The following TNIP3 variants were observed in gnomAD, a reference collection of about 807,000 sequenced individuals.
TNIP3 encodes TNFAIP3 interacting protein 3.
In TNIP3, 34 loss-of-function variants were observed where a neutral mutation model predicts 54.1. That is an observed-to-expected ratio of 0.63 (90% CI 0.48 to 0.84). The LOEUF is 0.84. Among genes scored for constraint, TNIP3 ranks in the 40% least tolerant of loss-of-function variants. TNIP3 has a pLI of 0.00. For missense variants in TNIP3, 366 were observed against 387.6 expected (o/e 0.94, Z 0.47); for synonymous variants, 134 against 136.8 (o/e 0.98, Z 0.14).
intron 2 of TNIP3, among the ~76,000 whole-genome samples, chr4:121,201,312 T>TGGTC (rs1326236659): frequency 6.6e-6 from 1 of 152,198 alleles, no homozygotes; most frequent in African/African-American, 2.4e-5. Flanking sequence ...AGATGGCGTG[T>TGGTC]GGTCAATGGC....
chr4:121,209,379 G>A (rs1168140745), intron 2 of TNIP3, among the ~76,000 whole-genome samples: 1 of 152,212 alleles, frequency 6.6e-6, no homozygotes, highest in East Asian at 1.9e-4. Flanking sequence ...AGTGTGGGCA[G>A]TCTTGTGGGA....
chr4:121,224,250 C>G (rs1255163869), intron 1 of TNIP3, among the ~76,000 whole-genome samples: 1 of 152,002 alleles, frequency 6.6e-6, no homozygotes, highest in Non-Finnish European at 1.5e-5. Flanking sequence ...GTAATCCCAA[C>G]TACTTGGGAG....
Position 121,222,222 on chromosome 4 carries a change from A to G in TNIP3, c.3+5163T>C, listed in dbSNP as rs116668162. ...CCCTGCGAAGAGGACCTAGTTTTCC[A>G]TAGAATGTTCCTTCATTCTGCAGAA... is the stretch of plus-strand genomic sequence containing the variant. On this transcript the variant is annotated intron_variant, in intron 1 of 12. Coordinates refer to the TNIP3 transcript ENST00000509841. Among the ~76,000 whole-genome samples, 1,194 of 152,356 alleles carry G rather than the reference A, an allele frequency of 7.8e-3. 15 individuals carry two copies. Among genetic ancestry groups the G allele is most frequent in the African/African-American group, 0.028 (1,153 of 41,588 alleles).
Position 121,132,641 on chromosome 4 carries a change from A to C in TNIP3, c.968T>G (p.Val323Gly), listed in dbSNP as rs762534280. 2.5e-6 allele frequency: 4 copies of C among 1,613,034 alleles called. No individual in the cohort carries two copies. In the East Asian group the frequency reaches 8.9e-5, roughly 36 times the overall value. The change falls in exon 11 of 11, where the codon GTC (valine) becomes GGC (glycine). Residue 323 changes from valine to glycine, a missense_variant. By Grantham distance (109) the Val-to-Gly change is moderately radical. Coordinates refer to ENST00000057513, the MANE Select transcript of TNIP3 (RefSeq NM_024873.6). ...TGTTAGTGTGTACTTCTACGGATGG[A>C]CTTTCTTTACTGAGGATAAACCTAT... The part of the protein sequence containing the change: ...KANGLSSVKK[V>G]HP
intron 2 of TNIP3, among the ~76,000 whole-genome samples, chr4:121,210,277 C>A (rs1726410215): frequency 1.3e-5 from 2 of 152,054 alleles, no homozygotes; most frequent in East Asian, 3.9e-4. Context: ...AAAATAAGTC[C>A]TTGTTTTCTG....
At chr4:121,154,358 C>T (rs1486361841) in intron 5 of TNIP3, 193 bp downstream of exon 5, 1 of 621,376 alleles carries the variant, frequency 1.6e-6, no homozygotes, top group Non-Finnish European at 2.7e-6. Flanking sequence ...GACAAAAATT[C>T]TCTAAAGCCT....
chr4:121,154,462 T>G (rs1729955164), intron 5 of TNIP3, 89 bp downstream of exon 5: 1 of 1,528,528 alleles, frequency 6.5e-7, no homozygotes, highest in Admixed American at 1.8e-5. Flanking sequence ...GGACCCACAC[T>G]GCAGCCTAGA....
chr4:121,137,288 A>T (rs556354303), intron 10 of TNIP3, among the ~76,000 whole-genome samples: 1 of 152,216 alleles, frequency 6.6e-6, no homozygotes, highest in Non-Finnish European at 1.5e-5. Context: ...TTATTATACC[A>T]TAATAGATTT....
At chr4:121,133,690 A>G (rs1728613691) in intron 10 of TNIP3, among the ~76,000 whole-genome samples, 1 of 152,220 alleles carries the variant, frequency 6.6e-6, no homozygotes, top group Non-Finnish European at 1.5e-5. Context: ...TGGAAATCTG[A>G]ACAAAAACAA....
intron 5 of TNIP3, among the ~76,000 whole-genome samples, chr4:121,153,765 T>G (rs80201454): frequency 0.029 from 4,382 of 152,150 alleles, 90 homozygotes; most frequent in Admixed American, 0.038. Context: ...AAATACAGGG[T>G]TTGAGCACCT....
upstream of TNIP3, among the ~76,000 whole-genome samples, chr4:121,217,758 A>G (rs990398758): frequency 6.6e-6 from 1 of 152,218 alleles, no homozygotes; most frequent in African/African-American, 2.4e-5. Flanking sequence ...TAAATATTTA[A>G]CTAATAAAGA....
rs568466610 is a variant in TNIP3 at position 121,136,148 on chromosome 4, A to G, written c.946+2476T>C. Reference sequence around the variant, plus strand: ...CCATGCACAGGTTAGTTCATAACATATTTATTACACACTTAATCTTACATA... The same window carrying G: ...CCATGCACAGGTTAGTTCATAACATGTTTATTACACACTTAATCTTACATA... On this transcript the variant is annotated intron_variant, in intron 10 of 10. Coordinates refer to ENST00000057513, the MANE Select transcript of TNIP3 (RefSeq NM_024873.6). 1.7e-4 allele frequency among the ~76,000 whole-genome samples: 26 copies of G among 152,342 alleles called. No individual in the cohort carries two copies. In the South Asian group the frequency reaches 5.2e-3, roughly 30 times the overall value.
intron 2 of TNIP3, among the ~76,000 whole-genome samples, chr4:121,187,317 A>C (rs1725074414): frequency 6.6e-6 from 1 of 152,224 alleles, no homozygotes; most frequent in African/African-American, 2.4e-5. Flanking sequence ...GAATCTGCTC[A>C]ACTGATTGAG....
At chr4:121,184,036 T>C (rs1354804446) in intron 2 of TNIP3, among the ~76,000 whole-genome samples, 1 of 152,136 alleles carries the variant, frequency 6.6e-6, no homozygotes, top group African/African-American at 2.4e-5. Flanking sequence ...GCCAAAAATG[T>C]TGGGGACTAC....
chr4:121,164,389 T>C (rs1730643626), upstream of TNIP3: 8 of 1,212,538 alleles, frequency 6.6e-6, no homozygotes, highest in Non-Finnish European at 7.3e-6. Context: ...TCCCAGGATG[T>C]CTCAAATAGG....
intron 2 of TNIP3, among the ~76,000 whole-genome samples, chr4:121,203,879 A>C (rs1726036816): frequency 6.6e-6 from 1 of 150,380 alleles, no homozygotes; most frequent in Admixed American, 6.6e-5. Flanking sequence ...ATACAAATAT[A>C]AGTAGAGTAT....
chr4:121,214,768 C>T (rs1726690291), intron 2 of TNIP3, among the ~76,000 whole-genome samples: 1 of 152,194 alleles, frequency 6.6e-6, no homozygotes, highest in Admixed American at 6.5e-5. Context: ...AGTATAATAA[C>T]TTCATCCTTA....
chr4:121,216,689 G>C, upstream of TNIP3: 5 of 1,341,918 alleles, frequency 3.7e-6, no homozygotes, highest in South Asian at 3.1e-5. Context: ...CTTCTGCCTA[G>C]TTTCAATGAA....
At chr4:121,142,871 G>A (rs1729204749) in intron 7 of TNIP3, 95 bp from the exon 8 acceptor site, 1 of 980,498 alleles carries the variant, frequency 1.0e-6, no homozygotes, top group East Asian at 2.6e-5. Context: ...GGCATTGACA[G>A]CAGTAATACC....
Sources: allele counts gnomAD v4.1 joint callset (sites outside exome capture counted in the v4.1 genomes callset), GRCh38; gene constraint gnomAD v4.1.1; transcripts MANE v1.5; gene names NCBI Gene and HGNC (gene_info 2026-07-23, HGNC 2026-07-21).